UPF2: variants seen among roughly 807,000 people sequenced by gnomAD.
UPF2 encodes UPF2 regulator of nonsense mediated mRNA decay.
A neutral mutation model predicts 141.4 loss-of-function variants in UPF2; 17 were observed. The observed-to-expected ratio is 0.12, with a 90% CI of 0.08 to 0.18. The LOEUF is 0.18. Among genes scored for constraint, UPF2 ranks in the 10% least tolerant of loss-of-function variants. The pLI is 1.00. For missense variants in UPF2, 1,152 were observed against 1,515.9 expected (o/e 0.76, Z 3.99); for synonymous variants, 540 against 498.0 (o/e 1.08, Z -1.12).
chr10:12,011,054 T>C (rs866148733), intron 4 of UPF2, among the ~76,000 whole-genome samples: 3 of 152,204 alleles, frequency 2.0e-5, no homozygotes, highest in African/African-American at 7.2e-5. Flanking sequence ...GATCATTATC[T>C]AACTGTAACC....
chr10:11,936,623 C>T lies in UPF2; in HGVS notation c.3468G>A (p.Leu1156=). The T allele has an allele frequency of 6.2e-7, 1 of 1,613,524 alleles. No individual in the cohort carries two copies. The highest frequency in any genetic ancestry group is 8.5e-7 in the Non-Finnish European group (1 of 1,179,748). The stretch of plus-strand genomic sequence containing the variant: ...ACTCAGCCTCTCCTTCCCCACCTCC[C>T]AGTGGGGGCCCTTTCCTCAGCTGGC... The part of the protein sequence containing the change: ...LKSQLRKGPP[L]GGGEGEAESA... Residue 1156 remains leucine, a synonymous_variant, in exon 19 of 22, where the codon CTG becomes CTA. Coordinates refer to ENST00000357604, the MANE Select transcript of UPF2 (RefSeq NM_015542.4). This position sits in a 1 kb window ranked among gnomAD's most constrained non-coding sequence, Gnocchi z 6.6.
At chr10:11,934,881 C>CA (rs1417459623) in intron 19 of UPF2, among the ~76,000 whole-genome samples, 1 of 152,192 alleles carries the variant, frequency 6.6e-6, no homozygotes, top group Non-Finnish European at 1.5e-5. Context: ...AGCCACTATG[C>CA]CCGGCCACAC....
chr10:12,029,302 T>G lies in UPF2; in HGVS notation c.588A>C (p.Leu196=). The change falls in exon 3 of 22, where the codon CTA becomes CTC. Residue 196 remains leucine, a synonymous_variant. Coordinates refer to ENST00000357604, the MANE Select transcript of UPF2 (RefSeq NM_015542.4). ...CTTCTGCAATGTATTTGCTTAAATT[T>G]AGGCCATTAAAATCATGGGACAAGG... ...RDSLSHDFNG[L]NLSKYIAEAV... 1.2e-6 allele frequency: 2 copies of G among 1,614,218 alleles called. No individual in the cohort carries two copies. Among genetic ancestry groups the G allele is most frequent in the South Asian group, 2.2e-5 (2 of 91,072 alleles).
chr10:11,926,136 A>T (rs897839484), intron 21 of UPF2, among the ~76,000 whole-genome samples: 1 of 152,202 alleles, frequency 6.6e-6, no homozygotes, highest in Non-Finnish European at 1.5e-5. Flanking sequence ...AGTGAGGGCC[A>T]TTTGGGAGCA....
chr10:11,990,843 C>G (rs1015016780), intron 8 of UPF2, among the ~76,000 whole-genome samples: 9 of 151,670 alleles, frequency 5.9e-5, no homozygotes, highest in Middle Eastern at 3.4e-3. Flanking sequence ...AAAATATTAG[C>G]TGGGCGTGGT....
intron 8 of UPF2, among the ~76,000 whole-genome samples, chr10:11,982,256 C>T (rs1357695114): frequency 1.3e-5 from 2 of 152,134 alleles, no homozygotes; most frequent in Non-Finnish European, 2.9e-5. Flanking sequence ...GCCATTGCCA[C>T]AATTTCAGGT....
Position 11,940,705 on chromosome 10 carries a change from G to C in UPF2, c.3378+1960C>G, listed in dbSNP as rs1032997084. Among the ~76,000 whole-genome samples, 1 of 152,096 alleles carries C rather than the reference G, an allele frequency of 6.6e-6. No homozygotes were observed. Among genetic ancestry groups the C allele is most frequent in the African/African-American group, 2.4e-5 (1 of 41,396 alleles). On this transcript the variant is annotated intron_variant, in intron 18 of 21. Coordinates refer to ENST00000357604, the MANE Select transcript of UPF2 (RefSeq NM_015542.4). The surrounding 1 kb of genome is among the most constrained non-coding windows in gnomAD (Gnocchi z 4.2). The stretch of plus-strand genomic sequence containing the variant: ...CTCAAATCCAGACTTCTCTCCATGT[G>C]CCTTGCCATATGCTAGACAGCTGAC...
At chr10:11,963,734 T>C (rs1219646430) in intron 11 of UPF2, among the ~76,000 whole-genome samples, 2 of 152,164 alleles carry the variant, frequency 1.3e-5, no homozygotes, top group African/African-American at 2.4e-5. Flanking sequence ...CAAAACAGTA[T>C]TGGGTGCCTG....
chr10:11,947,557 G>A (rs1027807872), intron 16 of UPF2, among the ~76,000 whole-genome samples: 3 of 152,002 alleles, frequency 2.0e-5, no homozygotes, highest in Admixed American at 6.6e-5. Flanking sequence ...TGAGGGAGGA[G>A]GACTGCTTGA....
chr10:11,952,300 AT>A, intron 14 of UPF2, 51 bp from the exon 15 acceptor site: 2 of 1,451,952 alleles, frequency 1.4e-6, no homozygotes, highest in Non-Finnish European at 1.8e-6. Context: ...GTAACAAAAT[AT>A]TTTAAAATAA....
In UPF2 at chr10:11,979,184, A is replaced by T; in HGVS notation, c.1845-19T>A. The T allele has an allele frequency of 6.4e-7, 1 of 1,572,348 alleles. No homozygotes were observed. Among genetic ancestry groups the T allele is most frequent in the South Asian group, 1.1e-5 (1 of 88,698 alleles). ...ATCCAACCTGCAAAAGTTATATGTGATATGTGTCAAAGGAAAGACATATCA... is the reference window on the plus strand; with the variant it reads ...ATCCAACCTGCAAAAGTTATATGTGTTATGTGTCAAAGGAAAGACATATCA... On this transcript the variant is annotated intron_variant, in intron 8 of 21. Transcript: ENST00000357604. The surrounding 1 kb of genome is among the most constrained non-coding windows in gnomAD (Gnocchi z 6.2).
intron 8 of UPF2, among the ~76,000 whole-genome samples, chr10:11,994,644 CA>C (rs1446554323): frequency 2.6e-5 from 4 of 152,132 alleles, no homozygotes; most frequent in Non-Finnish European, 4.4e-5. Context: ...ATATGCCAAA[CA>C]CTATACTTGG....
chr10:12,002,386 G>A (rs1386573439), intron 5 of UPF2, among the ~76,000 whole-genome samples: 1 of 152,192 alleles, frequency 6.6e-6, no homozygotes, highest in Non-Finnish European at 1.5e-5. Context: ...AGATTGTGTG[G>A]ATGAGGACTT....
At chr10:12,015,761 C>T (rs998013188) in intron 3 of UPF2, among the ~76,000 whole-genome samples, 1 of 151,930 alleles carries the variant, frequency 6.6e-6, no homozygotes, top group South Asian at 2.1e-4. Flanking sequence ...TTCAATTTTC[C>T]GAATATTAGT....
intron 18 of UPF2, among the ~76,000 whole-genome samples, chr10:11,938,853 G>GTTTTTTGTTTTTTTTTT (rs1832889993): frequency 1.3e-5 from 1 of 79,816 alleles, no homozygotes; most frequent in South Asian, 3.9e-4. Flanking sequence ...TTTTTTTTTT[G>GTTTTTTGTTTTTTTTTT]TTTTTTTTTT....
At chr10:12,000,281 G>A (rs1465343799) in intron 6 of UPF2, among the ~76,000 whole-genome samples, 1 of 152,168 alleles carries the variant, frequency 6.6e-6, no homozygotes, top group East Asian at 1.9e-4. Flanking sequence ...CAGTGTTATG[G>A]TAAATGTTAT....
In UPF2 at chr10:12,001,755, T is replaced by C; in HGVS notation, c.1575A>G (p.Leu525=). 1.2e-6 allele frequency: 2 copies of C among 1,613,358 alleles called. No individual in the cohort carries two copies. The highest frequency in any genetic ancestry group is 2.2e-5 in the East Asian group (1 of 44,782). ...ATTCTAAGGTGTCATCATTAATTTC[T>C]AGATTCTCCAACTCAAGTTCCAAAT... ...PDDLELELEN[L]EINDDTLELE... is the part of the protein sequence containing the mutation. Residue 525 remains leucine, a synonymous_variant, in exon 6 of 22, where the codon CTA becomes CTG. Transcript: ENST00000357604.
intron 19 of UPF2, among the ~76,000 whole-genome samples, chr10:11,934,157 GAA>G (rs1400454211): frequency 6.6e-6 from 1 of 152,314 alleles, no homozygotes; most frequent in East Asian, 1.9e-4. Flanking sequence ...CGTGATAACT[GAA>G]ATAGTAAAGT....
intron 2 of UPF2, among the ~76,000 whole-genome samples, chr10:12,032,525 C>T (rs1834543800): frequency 6.6e-6 from 1 of 151,684 alleles, no homozygotes; most frequent in African/African-American, 2.4e-5. Flanking sequence ...TTCCCAGGAG[C>T]TCAGGAGTTC....
Sources: allele counts gnomAD v4.1 joint callset (sites outside exome capture counted in the v4.1 genomes callset), GRCh38; gene constraint gnomAD v4.1.1; non-coding constraint Gnocchi (gnomAD v3.1); transcripts MANE v1.5; gene names NCBI Gene and HGNC (gene_info 2026-07-23, HGNC 2026-07-21).